The following TIMP2 variants were observed in gnomAD, a reference collection of about 807,000 sequenced individuals.
TIMP2 encodes the protein metalloproteinase inhibitor 2.
A neutral mutation model predicts 24.3 loss-of-function variants in TIMP2; 5 were observed. The ratio of observed to expected loss-of-function variants is 0.21; its 90% CI spans 0.11 to 0.43. The LOEUF is 0.43. Ranked by LOEUF, TIMP2 falls within the 20% of genes least tolerant of loss-of-function variation. The probability of loss-of-function intolerance (pLI) is 1.00; values close to 1 mark genes in which losing one functional copy is unlikely to be tolerated. For synonymous variants in TIMP2, 130 were observed against 123.2 expected (o/e 1.06, Z -0.37); for missense variants, 221 against 297.5 (o/e 0.74, Z 1.89).
intron 1 of TIMP2, among the ~76,000 whole-genome samples, chr17:78,882,964 T>C (rs1028903334): frequency 6.6e-6 from 1 of 152,154 alleles, no homozygotes; most frequent in African/African-American, 2.4e-5. Context: ...TGCCAGCCCC[T>C]TTTGGTCAGC....
chr17:78,887,684 C>G (rs962799916), intron 1 of TIMP2, among the ~76,000 whole-genome samples: 11 of 151,110 alleles, frequency 7.3e-5, no homozygotes, highest in Admixed American at 3.3e-4. Flanking sequence ...CGCGCCCAGC[C>G]TCATATTTGT....
intron 1 of TIMP2, among the ~76,000 whole-genome samples, chr17:78,884,261 T>C (rs1441769183): frequency 1.3e-5 from 2 of 152,094 alleles, no homozygotes; most frequent in Admixed American, 1.3e-4. Context: ...CAGCAGATTC[T>C]CTCCTCGCAC....
intron 3 of TIMP2, among the ~76,000 whole-genome samples, chr17:78,867,100 A>C (rs2069623516): frequency 6.6e-6 from 1 of 152,166 alleles, no homozygotes; most frequent in Admixed American, 6.5e-5. Flanking sequence ...GTATCTACTA[A>C]AAATACAAAA....
At chr17:78,870,289 G>C (rs537368082) in intron 3 of TIMP2, among the ~76,000 whole-genome samples, 10 of 151,934 alleles carry the variant, frequency 6.6e-5, no homozygotes, top group African/African-American at 1.9e-4. Context: ...GGTGGCGTGT[G>C]CCTGTAATCC....
At chr17:78,918,567 A>C (rs891562325) in intron 1 of TIMP2, among the ~76,000 whole-genome samples, 3 of 152,136 alleles carry the variant, frequency 2.0e-5, no homozygotes, top group Non-Finnish European at 4.4e-5. Flanking sequence ...TCCTCCCAGC[A>C]ATCTCAGGGC....
chr17:78,905,461 C>T (rs567485567), intron 1 of TIMP2, among the ~76,000 whole-genome samples: 161 of 152,368 alleles, frequency 1.1e-3, no homozygotes, highest in African/African-American at 3.3e-3. Flanking sequence ...CTTCTATATG[C>T]TTCTTCCTCG....
At chr17:78,919,797 T>C (rs1472471286) in intron 1 of TIMP2, among the ~76,000 whole-genome samples, 2 of 151,896 alleles carry the variant, frequency 1.3e-5, no homozygotes, top group African/African-American at 4.8e-5. Context: ...ATAGCGCCAC[T>C]GCACTCCAGC....
At chr17:78,893,272 TAGGGGTGTGCGGGCAAGGGTGTGTGTGC>T (rs1225576415) in intron 1 of TIMP2, among the ~76,000 whole-genome samples, 7 of 124,990 alleles carry the variant, frequency 5.6e-5, no homozygotes, top group Admixed American at 2.3e-4. Context: ...GGTGTGTGTG[TAGGGGTGTGCGGGCAAGGGTGTGTGTGC>T]AGGGGTGTAT....
In TIMP2 at chr17:78,891,339, T is replaced by A. The variant is rs1271292803; in HGVS notation, c.131-17420A>T. ...TCTGCCATTTTCTTCCCTCTTGGGG[T>A]CCCAGCGCCACACTCTTGCATCTCT... is the stretch of plus-strand genomic sequence containing the variant. On this transcript the variant is annotated intron_variant, in intron 1 of 4. Coordinates refer to ENST00000262768, the MANE Select transcript of TIMP2 (RefSeq NM_003255.5). The surrounding 1 kb of genome is among the most constrained non-coding windows in gnomAD (Gnocchi z 4.5). 15 of 1,550,262 alleles carry A rather than the reference T, an allele frequency of 9.7e-6. No homozygotes were observed. Among genetic ancestry groups the A allele is most frequent in the Non-Finnish European group, 1.3e-5 (15 of 1,146,908 alleles).
chr17:78,904,591 CT>C (rs2070140369), intron 1 of TIMP2: 1 of 152,232 alleles, frequency 6.6e-6, no homozygotes, highest in African/African-American at 2.4e-5. Context: ...CACCACCCCC[CT>C]ACCCCCGCCC....
rs1330209133 is a variant in TIMP2, at chr17:78,877,306, C to T, written c.131-3387G>A. Among the ~76,000 whole-genome samples the T allele has an allele frequency of 9.2e-5, 14 of 152,220 alleles. No homozygotes were observed. In the East Asian group the frequency reaches 9.6e-4, roughly 10 times the overall value. On this transcript the variant is annotated intron_variant, in intron 1 of 4. Transcript: ENST00000262768. ...CTCACAAGCAAACCAGGGCCAGGCA[C>T]GGTGGCTCACTCCTATAATCCCAGC...
In TIMP2 at chr17:78,891,755, A is replaced by T; in HGVS notation, c.131-17836T>A. On this transcript the variant is annotated intron_variant, in intron 1 of 4. Coordinates refer to ENST00000262768, the MANE Select transcript of TIMP2 (RefSeq NM_003255.5). The surrounding 1 kb of genome is among the most constrained non-coding windows in gnomAD (Gnocchi z 4.5). ...AGCCACGAGTGGGTTTGACCTTTCT[A>T]GGTCCGCCCCTTTGCTCCTCCGAGG... The T allele has an allele frequency of 6.4e-7, 1 of 1,551,060 alleles. No homozygotes were observed. The highest frequency in any genetic ancestry group is 8.7e-7 in the Non-Finnish European group (1 of 1,147,096).
At chr17:78,861,445 T>A (rs2069566455) in intron 3 of TIMP2, among the ~76,000 whole-genome samples, 1 of 152,328 alleles carries the variant, frequency 6.6e-6, no homozygotes, top group Non-Finnish European at 1.5e-5. Context: ...AATTGCTCAA[T>A]AAGTTTACTG....
chr17:78,866,292 G>A (rs1391897385), intron 3 of TIMP2, among the ~76,000 whole-genome samples: 3 of 152,058 alleles, frequency 2.0e-5, no homozygotes, highest in African/African-American at 7.2e-5. Context: ...GGCCACCCCA[G>A]CTCTCCTGCC....
In TIMP2 at chr17:78,896,527, G is replaced by A. The variant is rs554180223; in HGVS notation, c.131-22608C>T. Among the ~76,000 whole-genome samples, 8 of 152,236 alleles carry A rather than the reference G, an allele frequency of 5.3e-5. No individual in the cohort carries two copies. The highest frequency in any genetic ancestry group is 2.6e-4 in the Admixed American group (4 of 15,298). On this transcript the variant is annotated intron_variant, in intron 1 of 4. Coordinates refer to ENST00000262768, the MANE Select transcript of TIMP2 (RefSeq NM_003255.5). This position sits in a 1 kb window ranked among gnomAD's most constrained non-coding sequence, Gnocchi z 4.4. Reference sequence around the variant, plus strand: ...GGTTGCTTAGAATATTCTAGAAGGGGCAGGGGTCCTGGCGCTCCTCTGTCC... The same window carrying A: ...GGTTGCTTAGAATATTCTAGAAGGGACAGGGGTCCTGGCGCTCCTCTGTCC...
intron 1 of TIMP2, among the ~76,000 whole-genome samples, chr17:78,913,941 A>G (rs2070231945): frequency 6.6e-6 from 1 of 150,824 alleles, no homozygotes; most frequent in Non-Finnish European, 1.5e-5. Context: ...TACAATCAGG[A>G]TGATTTTTCT....
At chr17:78,885,713 G>A (rs1026582657) in intron 1 of TIMP2, among the ~76,000 whole-genome samples, 8 of 152,152 alleles carry the variant, frequency 5.3e-5, no homozygotes, top group Admixed American at 3.9e-4. Context: ...GAGGTGGAGG[G>A]CCAGGCCTTG....
intron 1 of TIMP2, among the ~76,000 whole-genome samples, chr17:78,921,561 C>A (rs1161496166): frequency 2.6e-5 from 4 of 152,306 alleles, no homozygotes; most frequent in African/African-American, 4.8e-5. Context: ...GAATGGTGAG[C>A]CCAAAGCTAA....
rs540971214 is a variant in TIMP2, at chr17:78,887,534, G to A, written c.131-13615C>T. Among the ~76,000 whole-genome samples the A allele has an allele frequency of 1.8e-3, 280 of 152,198 alleles. 1 individual carries two copies. Among genetic ancestry groups the A allele is most frequent in the African/African-American group, 6.2e-3 (258 of 41,540 alleles). On this transcript the variant is annotated intron_variant, in intron 1 of 4. Transcript: ENST00000262768. ...CGAATAGCTGGGACTACAAGTGCGC[G>A]CCGCCACGCCCGGCTAATTTCCGTA... is the stretch of plus-strand genomic sequence containing the variant.
Sources: allele counts gnomAD v4.1 joint callset (sites outside exome capture counted in the v4.1 genomes callset), GRCh38; gene constraint gnomAD v4.1.1; non-coding constraint Gnocchi (gnomAD v3.1); transcripts MANE v1.5; gene names NCBI Gene and HGNC (gene_info 2026-07-23, HGNC 2026-07-21).